SLCO1A2: variants seen among roughly 807,000 people sequenced by gnomAD.
The protein encoded by SLCO1A2 is OATP-1.
A neutral mutation model predicts 69.0 loss-of-function variants in SLCO1A2; 67 were observed. That is an observed-to-expected ratio of 0.97 (90% confidence interval 0.80 to 1.19). SLCO1A2 has a LOEUF of 1.19. Among genes scored for constraint, SLCO1A2 ranks in the 50% most tolerant of loss-of-function variants. The probability of loss-of-function intolerance (pLI) is 0.00; values close to 1 mark genes in which losing one functional copy is unlikely to be tolerated. For missense variants in SLCO1A2, 787 were observed against 793.7 expected (o/e 0.99, Z 0.10); for synonymous variants, 260 against 265.9 (o/e 0.98, Z 0.22).
At chr12:21,402,764 G>A (rs1565533055) in intron 1 of SLCO1A2, among the ~76,000 whole-genome samples, 1 of 152,026 alleles carries the variant, frequency 6.6e-6, no homozygotes, top group South Asian at 2.1e-4. Flanking sequence ...TAAGGGTTGT[G>A]GGGGAGCATA....
chr12:21,293,882 C>A, intron 11 of SLCO1A2, 63 bp downstream of exon 11: 1 of 1,361,726 alleles, frequency 7.3e-7, no homozygotes, highest in Non-Finnish European at 9.9e-7. Context: ...AAATATAGGC[C>A]CAGTTCATAG....
At chr12:21,328,633 C>G (rs1448566398) in intron 2 of SLCO1A2, among the ~76,000 whole-genome samples, 1 of 152,144 alleles carries the variant, frequency 6.6e-6, no homozygotes, top group East Asian at 1.9e-4. Context: ...ACCATGAGGT[C>G]TCTGGAGCTC....
intron 2 of SLCO1A2, among the ~76,000 whole-genome samples, chr12:21,364,712 ACT>A (rs1939229331): frequency 6.6e-6 from 1 of 152,168 alleles, no homozygotes; most frequent in Non-Finnish European, 1.5e-5. Context: ...CAGGATACAA[ACT>A]CAGTGTGCAA....
At chr12:21,387,571 A>G (rs1940943229) in intron 1 of SLCO1A2, among the ~76,000 whole-genome samples, 1 of 152,212 alleles carries the variant, frequency 6.6e-6, no homozygotes, top group Non-Finnish European at 1.5e-5. Context: ...ACAGAAGTCA[A>G]GAATTGAGGT....
intron 14 of SLCO1A2, among the ~76,000 whole-genome samples, chr12:21,270,038 A>T (rs959935046): frequency 2.0e-5 from 3 of 151,610 alleles, no homozygotes; most frequent in African/African-American, 7.3e-5. Flanking sequence ...CTAGTTTTTC[A>T]TTGAGTAGGA....
At chr12:21,293,698 T>C (rs189014098) in intron 11 of SLCO1A2, among the ~76,000 whole-genome samples, 19 of 152,174 alleles carry the variant, frequency 1.2e-4, no homozygotes, top group Admixed American at 9.2e-4. Context: ...ACAACCCAAA[T>C]TATTTGAGTA....
At chr12:21,387,449 C>T (rs955347197) in intron 1 of SLCO1A2, among the ~76,000 whole-genome samples, 1 of 152,120 alleles carries the variant, frequency 6.6e-6, no homozygotes, top group Non-Finnish European at 1.5e-5. Context: ...TGCCCTACAT[C>T]CCAGGCACTC....
intron 1 of SLCO1A2, among the ~76,000 whole-genome samples, chr12:21,381,676 G>T (rs1477726353): frequency 3.3e-5 from 5 of 152,072 alleles, no homozygotes; most frequent in Non-Finnish European, 5.9e-5. Flanking sequence ...TGTGCCTGTA[G>T]TCCCAGCTAC....
Position 21,334,531 on chromosome 12 carries a change from G to A in SLCO1A2, c.60+57C>T, listed in dbSNP as rs1952807443. 5 of 1,277,898 alleles carry A rather than the reference G, an allele frequency of 3.9e-6. No homozygotes were observed. In the Admixed American group the frequency reaches 7.4e-5, roughly 19 times the overall value. 79.2% of individuals were successfully genotyped at this position (1,277,898 alleles called of 1,614,324 possible). A position where few individuals can be genotyped will look rare whatever the true frequency, so the allele number is the denominator to read the frequency against. On this transcript the variant is annotated intron_variant, in intron 2 of 14. Transcript: ENST00000683939. ...AGATAGGAGCAATTTTACCAGGACTGTCGTATTTTAAAAACTAGTGTACAT... is the reference window on the plus strand; with the variant it reads ...AGATAGGAGCAATTTTACCAGGACTATCGTATTTTAAAAACTAGTGTACAT...
intron 1 of SLCO1A2, among the ~76,000 whole-genome samples, chr12:21,404,076 A>G (rs1405008153): frequency 6.6e-6 from 1 of 152,148 alleles, no homozygotes; most frequent in Non-Finnish European, 1.5e-5. Context: ...TTTGAACAGT[A>G]GACTGAGATG....
upstream of SLCO1A2, among the ~76,000 whole-genome samples, chr12:21,396,639 T>A (rs1377618357): frequency 1.6e-4 from 25 of 152,052 alleles, no homozygotes; most frequent in African/African-American, 5.8e-4. Flanking sequence ...CGGGTTACCC[T>A]CAAAGGGAAG....
At chr12:21,276,387 G>GACACAC (rs3060629) in intron 12 of SLCO1A2, among the ~76,000 whole-genome samples, 7,462 of 141,872 alleles carry the variant, frequency 0.053, 227 homozygotes, top group East Asian at 0.14. Flanking sequence ...GATAAATATG[G>GACACAC]ACACACACAC....
At chr12:21,400,891 G>T (rs1429381369) in intron 1 of SLCO1A2, among the ~76,000 whole-genome samples, 5 of 97,694 alleles carry the variant, frequency 5.1e-5, no homozygotes, top group Admixed American at 1.2e-4. Context: ...GTGGGGGGAG[G>T]GGGGAGGGAT....
intron 14 of SLCO1A2, among the ~76,000 whole-genome samples, chr12:21,272,605 T>G (rs1282231769): frequency 3.9e-5 from 6 of 152,074 alleles, no homozygotes; most frequent in Non-Finnish European, 8.8e-5. Context: ...AGAAGTTGAT[T>G]TAGTATGTGT....
intron 1 of SLCO1A2, among the ~76,000 whole-genome samples, chr12:21,414,711 T>A (rs10841806): frequency 0.11 from 16,445 of 152,180 alleles, 1,135 homozygotes; most frequent in East Asian, 0.38. Flanking sequence ...TTTTAGTGTT[T>A]AGATATTTTC....
intron 2 of SLCO1A2, among the ~76,000 whole-genome samples, chr12:21,361,217 G>C (rs1201226804): frequency 6.6e-6 from 1 of 152,170 alleles, no homozygotes; most frequent in Admixed American, 6.5e-5. Flanking sequence ...AGCAACATCT[G>C]CTGTTCTGCA....
chr12:21,285,386 A>T (rs1945559172), intron 12 of SLCO1A2, among the ~76,000 whole-genome samples: 2 of 149,718 alleles, frequency 1.3e-5, no homozygotes. Context: ...AACAAAAAAG[A>T]GTCCAGGACC....
At chr12:21,414,353 C>T (rs1463362380) in intron 1 of SLCO1A2, among the ~76,000 whole-genome samples, 1 of 151,300 alleles carries the variant, frequency 6.6e-6, no homozygotes, top group African/African-American at 2.4e-5. Context: ...GTACATGTTG[C>T]TAAGTAGTGT....
At chr12:21,319,503 G>A (rs1951324417) in intron 2 of SLCO1A2, 2 of 1,346,482 alleles carry the variant, frequency 1.5e-6, no homozygotes, top group Non-Finnish European at 2.0e-6. Flanking sequence ...AGGATGCTCT[G>A]CAACCCTTGA....
Sources: allele counts gnomAD v4.1 joint callset (sites outside exome capture counted in the v4.1 genomes callset), GRCh38; gene constraint gnomAD v4.1.1; transcripts MANE v1.5; gene names NCBI Gene and HGNC (gene_info 2026-07-23, HGNC 2026-07-21).